The following ZNF679 variants were observed in gnomAD, a reference collection of about 807,000 sequenced individuals.
ZNF679 encodes zinc finger protein 679.
Under a neutral mutation model 13.4 loss-of-function variants are expected in ZNF679, and 10 were observed. The observed-to-expected ratio is 0.75, with a 90% CI of 0.46 to 1.27. The LOEUF is 1.27. Ranked by LOEUF, ZNF679 falls within the 50% of genes most tolerant of loss-of-function variation. ZNF679 has a pLI of 0.00. For missense variants in ZNF679, 525 were observed against 477.8 expected, an observed-to-expected ratio of 1.10 and a Z score of -0.92; for synonymous variants, 179 against 162.5, an observed-to-expected ratio of 1.10 and a Z score of -0.77.
At chr7:64,247,250 T>C (rs1787881463) in intron 1 of ZNF679, among the ~76,000 whole-genome samples, 1 of 152,180 alleles carries the variant, frequency 6.6e-6, no homozygotes, top group South Asian at 2.1e-4. Flanking sequence ...CTCCTATTTA[T>C]CCTCTGACTT....
chr7:64,248,134 T>C (rs1355348263), intron 1 of ZNF679, among the ~76,000 whole-genome samples: 1 of 152,008 alleles, frequency 6.6e-6, no homozygotes, highest in Non-Finnish European at 1.5e-5. Flanking sequence ...ATATCTTACT[T>C]GGTGGAAAAA....
intron 4 of ZNF679, among the ~76,000 whole-genome samples, chr7:64,265,509 T>C (rs188518613): frequency 6.6e-6 from 1 of 152,280 alleles, no homozygotes; most frequent in Non-Finnish European, 1.5e-5. Context: ...CAGAAAGGCC[T>C]CCATAAGCCA....
chr7:64,236,888 GAAA>G (rs142750337), intron 1 of ZNF679, among the ~76,000 whole-genome samples: 1 of 130,368 alleles, frequency 7.7e-6, no homozygotes, highest in Non-Finnish European at 1.6e-5. Context: ...GAGAAAGAAA[GAAA>G]AAAAGAAAAA....
chr7:64,244,388 T>C (rs1477121929), intron 1 of ZNF679, among the ~76,000 whole-genome samples: 4 of 152,166 alleles, frequency 2.6e-5, no homozygotes, highest in African/African-American at 9.7e-5. Flanking sequence ...TTTACTAACA[T>C]AACCTCCCAG....
chr7:64,243,182 C>T (rs1787820540), intron 1 of ZNF679, among the ~76,000 whole-genome samples: 1 of 152,092 alleles, frequency 6.6e-6, no homozygotes, highest in South Asian at 2.1e-4. Flanking sequence ...CAGATCATTA[C>T]CTGTTTGTCT....
chr7:64,234,395 G>T (rs1787680563), intron 1 of ZNF679, among the ~76,000 whole-genome samples: 1 of 152,148 alleles, frequency 6.6e-6, no homozygotes, highest in Non-Finnish European at 1.5e-5. Context: ...ATTCAAAGTA[G>T]GCTGGAGATG....
intron 1 of ZNF679, among the ~76,000 whole-genome samples, chr7:64,229,133 G>A (rs1787601833): frequency 6.6e-6 from 1 of 152,128 alleles, no homozygotes; most frequent in Non-Finnish European, 1.5e-5. Flanking sequence ...AGGTATGAGA[G>A]TCATCACCAT....
chr7:64,234,632 A>G (rs1787684195), intron 1 of ZNF679, among the ~76,000 whole-genome samples: 1 of 152,196 alleles, frequency 6.6e-6, no homozygotes, highest in Admixed American at 6.5e-5. Context: ...TACTGACTTC[A>G]GCGTTGTGAA....
chr7:64,254,999 CAAAA>C (rs71060569), intron 2 of ZNF679, among the ~76,000 whole-genome samples: 1 of 92,134 alleles, frequency 1.1e-5, no homozygotes, highest in Admixed American at 1.4e-4. Flanking sequence ...GACTCCATCT[CAAAA>C]AAAAAAAAAA....
chr7:64,249,172 G>C lies in ZNF679; in HGVS notation c.39+16G>C, dbSNP rs752894994. 6.2e-7 allele frequency: 1 copy of C among 1,614,108 alleles called. No homozygotes were observed. Among genetic ancestry groups the C allele is most frequent in the Non-Finnish European group, 8.5e-7 (1 of 1,179,994 alleles). ...CCGAGAAATGGTGAGTGCTGGGTCT[G>C]TCACCGTGAGAGAGGGGTGAGGGCT... On this transcript the variant is annotated intron_variant, in intron 2 of 4. Coordinates refer to ENST00000421025, the MANE Select transcript of ZNF679 (RefSeq NM_153363.3).
At chr7:64,245,087 G>A (rs1025338700) in intron 1 of ZNF679, among the ~76,000 whole-genome samples, 1 of 152,134 alleles carries the variant, frequency 6.6e-6, no homozygotes, top group African/African-American at 2.4e-5. Context: ...GTGCAGTGGT[G>A]CCATCTCGGC....
intron 4 of ZNF679, among the ~76,000 whole-genome samples, chr7:64,265,419 T>A (rs945027187): frequency 6.6e-6 from 1 of 152,192 alleles, no homozygotes; most frequent in Non-Finnish European, 1.5e-5. Flanking sequence ...GTTGTAACAT[T>A]CACCTTTGAT....
In ZNF679 at chr7:64,260,444, GCT is replaced by G. The variant is rs1299618215; in HGVS notation, c.166+102_166+103del. On this transcript the variant is annotated intron_variant, in intron 3 of 4. Coordinates refer to ENST00000421025, the MANE Select transcript of ZNF679 (RefSeq NM_153363.3). ...TTCTGCTTTGCATGAGTGAATTTTA[GCT>G]CTCTGATTTGAAGAAAATCTTGGGG... The G allele has an allele frequency of 7.3e-6, 11 of 1,510,818 alleles. No homozygotes were observed. In the African/African-American group the frequency reaches 1.3e-4, roughly 18 times the overall value. The allele number at this position is 1,510,818 out of a possible 1,614,324, so 93.6% of individuals were successfully genotyped here.
At chr7:64,237,438 CT>C in intron 1 of ZNF679, among the ~76,000 whole-genome samples, 1 of 152,284 alleles carries the variant, frequency 6.6e-6, no homozygotes, top group South Asian at 2.1e-4. Context: ...TCAGTTCCCC[CT>C]GAACCCGGAT....
At chr7:64,265,857 G>A (rs751021347) in intron 4 of ZNF679, 39 bp from the exon 5 acceptor site, 7 of 1,591,700 alleles carry the variant, frequency 4.4e-6, no homozygotes, top group Admixed American at 1.8e-5. Context: ...CTATCTGGGT[G>A]TAGTAAGTGA....
At chr7:64,240,489 T>C (rs947381009) in intron 1 of ZNF679, among the ~76,000 whole-genome samples, 1 of 152,194 alleles carries the variant, frequency 6.6e-6, no homozygotes, top group Non-Finnish European at 1.5e-5. Context: ...CTGAGGCATA[T>C]TGTATGAAGC....
chr7:64,233,502 A>T (rs1415192155), intron 1 of ZNF679, among the ~76,000 whole-genome samples: 1 of 151,972 alleles, frequency 6.6e-6, no homozygotes, highest in East Asian at 1.9e-4. Context: ...AGAAAAACAA[A>T]ACAAAAAACA....
intron 1 of ZNF679, among the ~76,000 whole-genome samples, chr7:64,245,289 G>T (rs1380915047): frequency 6.6e-6 from 1 of 152,070 alleles, no homozygotes; most frequent in Non-Finnish European, 1.5e-5. Context: ...GCCTCCCAAG[G>T]TTCTAGGATT....
chr7:64,233,185 C>A (rs1475537198), intron 1 of ZNF679, among the ~76,000 whole-genome samples: 2 of 151,098 alleles, frequency 1.3e-5, no homozygotes, highest in African/African-American at 4.9e-5. Flanking sequence ...TTGTGGTGAG[C>A]CAAGATCGCC....
Sources: allele counts gnomAD v4.1 joint callset (sites outside exome capture counted in the v4.1 genomes callset), GRCh38; gene constraint gnomAD v4.1.1; transcripts MANE v1.5; gene names NCBI Gene and HGNC (gene_info 2026-07-23, HGNC 2026-07-21).